LUC7L2: variants seen among roughly 807,000 people sequenced by gnomAD.
LUC7L2 encodes LUC7 like 2, pre-mRNA splicing factor.
LUC7L2 carries 25 observed loss-of-function variants against 52.8 expected under a neutral mutation model. The ratio of observed to expected loss-of-function variants is 0.47; its 90% confidence interval spans 0.34 to 0.66. The LOEUF (loss-of-function observed/expected upper bound fraction) is 0.66. Among genes scored for constraint, LUC7L2 ranks in the 30% least tolerant of loss-of-function variants. The probability of loss-of-function intolerance (pLI) is 0.01; values close to 1 mark genes in which losing one functional copy is unlikely to be tolerated. For synonymous variants in LUC7L2, 144 were observed against 160.9 expected (o/e 0.89, Z 0.80); for missense variants, 328 against 497.8 (o/e 0.66, Z 3.25).
At chr7:139,361,854 A>G (rs1799900951) in intron 1 of LUC7L2, among the ~76,000 whole-genome samples, 1 of 152,198 alleles carries the variant, frequency 6.6e-6, no homozygotes, top group Admixed American at 6.5e-5. Flanking sequence ...GTTATTTAAG[A>G]CGTGCTTTAC....
chr7:139,371,546 G>A, intron 1 of LUC7L2: 2 of 1,423,584 alleles, frequency 1.4e-6, no homozygotes, highest in Non-Finnish European at 1.9e-6. Context: ...GGGAGGGAGA[G>A]GGTGGGTAGT....
intron 8 of LUC7L2, 48 bp downstream of exon 8, chr7:139,412,628 C>A: frequency 6.5e-7 from 1 of 1,545,344 alleles, no homozygotes. Context: ...TTGTCTTTTT[C>A]AAAGGTAGTT....
rs1795410026 is a variant in LUC7L2, at chr7:139,412,598, G to A, written c.809+18G>A. 1.2e-6 allele frequency: 2 copies of A among 1,600,368 alleles called. No individual in the cohort carries two copies. Among genetic ancestry groups the A allele is most frequent in the African/African-American group, 2.7e-5 (2 of 73,740 alleles). On this transcript the variant is annotated intron_variant, in intron 8 of 9. Coordinates refer to ENST00000354926, the MANE Select transcript of LUC7L2 (RefSeq NM_016019.5). ...CCAAAAAGGTAGGTGTATTACATAA[G>A]ACAGGTATAAGTAGTGAAGTTGTCT... is the stretch of plus-strand genomic sequence containing the variant.
At chr7:139,402,604 G>A (rs1410903134) in intron 4 of LUC7L2, among the ~76,000 whole-genome samples, 2 of 152,164 alleles carry the variant, frequency 1.3e-5, no homozygotes, top group East Asian at 3.8e-4. Flanking sequence ...TTGGCTTGCT[G>A]CAATCTCTGC....
At position 139,402,845 on chromosome 7, in the gene LUC7L2, A is replaced by G. The variant is rs535378375; in HGVS notation, c.366+598A>G. On this transcript the variant is annotated intron_variant, in intron 4 of 9. Transcript: ENST00000354926. ...GGCCAGCTCTCTGCAGTTTAATCAC[A>G]TGTGTAATTACAGCCACAGTTAGGA... is the stretch of plus-strand genomic sequence containing the variant. Among the ~76,000 whole-genome samples the G allele has an allele frequency of 4.6e-5, 7 of 152,242 alleles. No individual in the cohort carries two copies. In the East Asian group the frequency reaches 1.4e-3, roughly 29 times the overall value.
intron 8 of LUC7L2, chr7:139,412,840 A>G (rs890389986): frequency 4.3e-6 from 1 of 231,748 alleles, no homozygotes; most frequent in Non-Finnish European, 8.2e-6. Flanking sequence ...AAAAAAAAAA[A>G]AAAAAAAAGA....
intron 4 of LUC7L2, among the ~76,000 whole-genome samples, chr7:139,403,972 C>T (rs1388128284): frequency 1.3e-5 from 2 of 151,956 alleles, no homozygotes; most frequent in East Asian, 3.9e-4. Flanking sequence ...AGTCAGAGTA[C>T]GATGGTACAC....
upstream of LUC7L2, among the ~76,000 whole-genome samples, chr7:139,358,473 A>G (rs751330192): frequency 9.5e-5 from 12 of 126,474 alleles, no homozygotes; most frequent in Non-Finnish European, 1.8e-4. Context: ...TAAACATTTG[A>G]TTTTATTAAC....
intron 1 of LUC7L2, 96 bp downstream of exon 1, chr7:139,360,418 A>C (rs1424332307): frequency 1.7e-6 from 2 of 1,150,008 alleles, no homozygotes; most frequent in Non-Finnish European, 2.5e-6. Context: ...CGTGTGGCTG[A>C]GTAAGGGGCT....
chr7:139,386,477 T>G (rs1290288370), intron 2 of LUC7L2, among the ~76,000 whole-genome samples: 1 of 151,214 alleles, frequency 6.6e-6, no homozygotes, highest in Non-Finnish European at 1.5e-5. Context: ...TGATCTTGGC[T>G]TACTGCAAGC....
chr7:139,366,240 G>A (rs1800148893), intron 1 of LUC7L2, among the ~76,000 whole-genome samples: 1 of 152,214 alleles, frequency 6.6e-6, no homozygotes, highest in Non-Finnish European at 1.5e-5. Flanking sequence ...TACAACTGAT[G>A]TTTGACTTAT....
intron 2 of LUC7L2, among the ~76,000 whole-genome samples, chr7:139,398,191 T>A (rs1214471496): frequency 6.6e-6 from 1 of 152,184 alleles, no homozygotes; most frequent in Non-Finnish European, 1.5e-5. Flanking sequence ...CCATCTTTAT[T>A]TGAAAAATAG....
chr7:139,348,744 T>G (rs1799353738), intron 1 of LUC7L2, among the ~76,000 whole-genome samples: 1 of 152,102 alleles, frequency 6.6e-6, no homozygotes, highest in South Asian at 2.1e-4. Flanking sequence ...TATATTATGA[T>G]TCTACTTGTA....
rs535279397 is a variant in LUC7L2, at chr7:139,340,649, A to G, written c.-26+132A>G. 8 of 396,344 alleles carry G rather than the reference A, an allele frequency of 2.0e-5. No homozygotes were observed. In the Admixed American group the frequency reaches 2.2e-4, roughly 11 times the overall value. The allele number at this position is 396,344 out of a possible 1,614,324, so 24.6% of individuals were successfully genotyped here. A position where few individuals can be genotyped will look rare whatever the true frequency, so the allele number is the denominator to read the frequency against. On this transcript the variant is annotated intron_variant, in intron 1 of 10. Coordinates refer to the LUC7L2 transcript ENST00000541170. ...GGCGAAAATGAAGTGACGATGACGT[A>G]CCAAAGAGGAAAATAGTTGAATATG...
At chr7:139,350,535 A>G (rs1305517629) in intron 1 of LUC7L2, among the ~76,000 whole-genome samples, 1 of 151,586 alleles carries the variant, frequency 6.6e-6, no homozygotes, top group Non-Finnish European at 1.5e-5. Flanking sequence ...CTACCACCAA[A>G]ACTGCAACCC....
intron 2 of LUC7L2, among the ~76,000 whole-genome samples, chr7:139,398,212 AAAG>A (rs1302635671): frequency 3.9e-5 from 6 of 152,202 alleles, no homozygotes; most frequent in African/African-American, 1.4e-4. Flanking sequence ...GATGTTCTTC[AAAG>A]CACATTGACA....
intron 1 of LUC7L2, chr7:139,341,563 G>A (rs1421265928): frequency 1.9e-6 from 3 of 1,597,252 alleles, no homozygotes; most frequent in African/African-American, 2.7e-5. Flanking sequence ...TGCTGGGGAG[G>A]GAGGAAGAGC....
At chr7:139,381,950 TCTCGG>T (rs1175664527) in intron 2 of LUC7L2, among the ~76,000 whole-genome samples, 84 of 146,892 alleles carry the variant, frequency 5.7e-4, no homozygotes, top group African/African-American at 2.1e-3. Flanking sequence ...AGTGGCACGG[TCTCGG>T]CTCACTGCAA....
At chr7:139,397,508 G>T (rs912085007) in intron 2 of LUC7L2, among the ~76,000 whole-genome samples, 1 of 152,176 alleles carries the variant, frequency 6.6e-6, no homozygotes, top group Admixed American at 6.5e-5. Context: ...CCACAAGTGG[G>T]AACTTAATAG....
Sources: allele counts gnomAD v4.1 joint callset (sites outside exome capture counted in the v4.1 genomes callset), GRCh38; gene constraint gnomAD v4.1.1; transcripts MANE v1.5; gene names NCBI Gene and HGNC (gene_info 2026-07-23, HGNC 2026-07-21).